Variants in TYW1 observed in about 807,000 individuals in gnomAD.
TYW1 encodes S-adenosyl-L-methionine-dependent tRNA 4-demethylwyosine synthase TYW1.
Under a neutral mutation model 96.2 loss-of-function variants are expected in TYW1, and 46 were observed. That is an observed-to-expected ratio of 0.48 (90% CI 0.38 to 0.61). The LOEUF (loss-of-function observed/expected upper bound fraction) is 0.61. Among genes scored for constraint, TYW1 ranks in the 20% least tolerant of loss-of-function variants. The pLI is 0.00. For missense variants in TYW1, 684 were observed against 909.6 expected (o/e 0.75, Z 3.19); for synonymous variants, 274 against 323.0 (o/e 0.85, Z 1.63).
intron 13 of TYW1, among the ~76,000 whole-genome samples, chr7:67,125,100 T>C (rs977070138): frequency 1.3e-5 from 2 of 152,232 alleles, no homozygotes; most frequent in African/African-American, 4.8e-5. Context: ...CCCAAAGTTC[T>C]GGGATTACAG....
chr7:67,031,201 A>AAAC (rs1794663924), intron 7 of TYW1, among the ~76,000 whole-genome samples: 1 of 149,326 alleles, frequency 6.7e-6, no homozygotes, highest in Non-Finnish European at 1.5e-5. Flanking sequence ...TCAAAAAAAA[A>AAAC]AAAAAAAAAA....
intron 3 of TYW1, among the ~76,000 whole-genome samples, chr7:67,002,645 T>G (rs1163670989): frequency 1.4e-5 from 2 of 146,402 alleles, no homozygotes; most frequent in African/African-American, 4.9e-5. Context: ...TTCTGTATAC[T>G]TGAATTTTTT....
At chr7:67,161,824 T>C (rs927302708) in intron 13 of TYW1, among the ~76,000 whole-genome samples, 6 of 152,148 alleles carry the variant, frequency 3.9e-5, no homozygotes, top group African/African-American at 1.2e-4. Flanking sequence ...CACGTTCTTA[T>C]GTGTCAGACA....
At chr7:67,104,424 A>G (rs1452887975) in intron 12 of TYW1, among the ~76,000 whole-genome samples, 1 of 152,220 alleles carries the variant, frequency 6.6e-6, no homozygotes, top group Non-Finnish European at 1.5e-5. Context: ...ACACACTTTT[A>G]AACAACCAGA....
chr7:67,079,755 G>T (rs1796324875), intron 10 of TYW1, among the ~76,000 whole-genome samples: 1 of 151,934 alleles, frequency 6.6e-6, no homozygotes, highest in Non-Finnish European at 1.5e-5. Context: ...TCTTAGTACT[G>T]CTTTTGCTCT....
chr7:67,196,725 A>AT, intron 15 of TYW1, among the ~76,000 whole-genome samples: 1 of 151,858 alleles, frequency 6.6e-6, no homozygotes. Context: ...TCAAAGGAAC[A>AT]TTTAAAACAG....
chr7:67,216,757 A>G (rs1203671105), intron 15 of TYW1, among the ~76,000 whole-genome samples: 3 of 149,010 alleles, frequency 2.0e-5, no homozygotes, highest in African/African-American at 5.0e-5. Flanking sequence ...GCATCCCACA[A>G]ATTTTGCCCT....
chr7:67,079,571 T>G, intron 10 of TYW1, among the ~76,000 whole-genome samples: 1 of 151,988 alleles, frequency 6.6e-6, no homozygotes, highest in Non-Finnish European at 1.5e-5. Context: ...TTGATTTTTG[T>G]GTTCTTTTAG....
At chr7:67,041,839 C>T (rs747342969) in intron 7 of TYW1, among the ~76,000 whole-genome samples, 42 of 152,076 alleles carry the variant, frequency 2.8e-4, no homozygotes, top group Non-Finnish European at 5.1e-4. Context: ...TTTTACCCCT[C>T]TGTGCTTCCG....
intron 7 of TYW1, among the ~76,000 whole-genome samples, chr7:67,039,869 G>T (rs575051562): frequency 3.3e-5 from 5 of 151,962 alleles, no homozygotes; most frequent in African/African-American, 9.6e-5. Context: ...CACCGTGTTG[G>T]CCAGGATGGT....
chr7:67,022,740 G>T (rs927024259), intron 6 of TYW1, among the ~76,000 whole-genome samples: 1 of 152,116 alleles, frequency 6.6e-6, no homozygotes, highest in African/African-American at 2.4e-5. Context: ...GTTGAAGCTG[G>T]GCTAAATTAA....
chr7:67,150,177 C>T (rs1378771471), intron 13 of TYW1, among the ~76,000 whole-genome samples: 2 of 151,874 alleles, frequency 1.3e-5, no homozygotes, highest in Non-Finnish European at 2.9e-5. Context: ...TTTTGGACTC[C>T]TGGTTGCCAT....
At chr7:67,160,937 C>A (rs1336191885) in intron 13 of TYW1, among the ~76,000 whole-genome samples, 5 of 152,126 alleles carry the variant, frequency 3.3e-5, no homozygotes. Flanking sequence ...GGATATTTCA[C>A]CCTCCCCAAG....
chr7:67,188,004 A>C (rs1388022350), intron 14 of TYW1, among the ~76,000 whole-genome samples: 1 of 152,220 alleles, frequency 6.6e-6, no homozygotes, highest in Non-Finnish European at 1.5e-5. Flanking sequence ...ATTAAAGTTA[A>C]AAATTTCTAA....
At chr7:67,001,461 C>T (rs1200997325) in intron 3 of TYW1, among the ~76,000 whole-genome samples, 7 of 151,342 alleles carry the variant, frequency 4.6e-5, no homozygotes, top group Non-Finnish European at 7.4e-5. Context: ...CTCGCTGTGT[C>T]GCCAGGCTGG....
chr7:67,159,520 T>C (rs549560274), intron 13 of TYW1, among the ~76,000 whole-genome samples: 1 of 152,268 alleles, frequency 6.6e-6, no homozygotes, highest in East Asian at 1.9e-4. Context: ...GTATACTATA[T>C]CACTAAGGTG....
chr7:67,100,310 C>A (rs2711925), intron 12 of TYW1, among the ~76,000 whole-genome samples: 1 of 151,846 alleles, frequency 6.6e-6, no homozygotes, highest in Non-Finnish European at 1.5e-5. Flanking sequence ...ACTAGGCACA[C>A]GCTGTAACAC....
At chr7:67,166,240 G>A (rs1177932808) in intron 13 of TYW1, among the ~76,000 whole-genome samples, 3 of 139,732 alleles carry the variant, frequency 2.1e-5, no homozygotes, top group Non-Finnish European at 4.6e-5. Flanking sequence ...GTGTGACAGA[G>A]CGTGAACCTC....
chr7:67,159,794 A>ATTTTATTTT (rs1338719348), intron 13 of TYW1, among the ~76,000 whole-genome samples: 1 of 111,238 alleles, frequency 9.0e-6, no homozygotes, highest in Non-Finnish European at 1.9e-5. Context: ...ATTTTATTTT[A>ATTTTATTTT]TTTTATTTAT....
Sources: gnomAD v4.1 joint callset for allele counts (sites outside exome capture counted in the v4.1 genomes callset) on GRCh38, gnomAD v4.1.1 for gene constraint, MANE v1.5 for transcripts, NCBI Gene and HGNC (gene_info 2026-07-23, HGNC 2026-07-21) for gene names.